Variants in THADA observed in about 807,000 individuals in gnomAD.
THADA encodes the protein THADA armadillo repeat containing.
In THADA, 213 loss-of-function variants were observed where a neutral mutation model predicts 219.8. The ratio of observed to expected loss-of-function variants is 0.97; its 90% CI spans 0.87 to 1.09. The LOEUF (loss-of-function observed/expected upper bound fraction) is 1.09, where lower values mean the gene tolerates loss of function less well. Among genes scored for constraint, THADA ranks in the 50% least tolerant of loss-of-function variants. The pLI is 0.00. For missense variants in THADA, 2,956 were observed against 2,311.3 expected (o/e 1.28, Z -5.72); for synonymous variants, 1,018 against 828.9 (o/e 1.23, Z -3.92).
chr2:43,487,382 G>T (rs934012529), intron 25 of THADA, among the ~76,000 whole-genome samples: 1 of 152,166 alleles, frequency 6.6e-6, no homozygotes, highest in Non-Finnish European at 1.5e-5. Flanking sequence ...AAACAGGAGT[G>T]CCTGGAGATG....
chr2:43,568,650 T>C (rs901891653), intron 14 of THADA, among the ~76,000 whole-genome samples: 1 of 152,172 alleles, frequency 6.6e-6, no homozygotes, highest in African/African-American at 2.4e-5. Flanking sequence ...ATTTTACCCC[T>C]TGCAAAAAGA....
chr2:43,583,414 CT>C (rs1559023407), intron 7 of THADA, among the ~76,000 whole-genome samples: 1 of 152,222 alleles, frequency 6.6e-6, no homozygotes, highest in Non-Finnish European at 1.5e-5. Flanking sequence ...AGCCTCCTAA[CT>C]GGTCTCTCGC....
chr2:43,566,486 T>C (rs570251131), intron 15 of THADA: 2 of 724,588 alleles, frequency 2.8e-6, no homozygotes, highest in African/African-American at 1.7e-5. Context: ...TACTTTGGGG[T>C]TGGCAAATAA....
chr2:43,551,431 G>A (rs1696725436), intron 19 of THADA, among the ~76,000 whole-genome samples: 1 of 151,988 alleles, frequency 6.6e-6, no homozygotes, highest in African/African-American at 2.4e-5. Flanking sequence ...GCTCCAATAA[G>A]CATTTCTTTT....
At chr2:43,545,580 G>C (rs1315201831) in intron 20 of THADA, among the ~76,000 whole-genome samples, 13 of 152,230 alleles carry the variant, frequency 8.5e-5, no homozygotes, top group African/African-American at 2.4e-4. Flanking sequence ...AGAGATTCAA[G>C]TTCTTCCTGG....
chr2:43,564,636 G>GTGGA (rs1236612855), intron 15 of THADA: 9 of 152,222 alleles, frequency 5.9e-5, no homozygotes, highest in African/African-American at 1.7e-4. Context: ...AAGATTTGAT[G>GTGGA]TGGATGTGTT....
At chr2:43,367,472 C>T (rs1319362356) in intron 29 of THADA, among the ~76,000 whole-genome samples, 1 of 152,070 alleles carries the variant, frequency 6.6e-6, no homozygotes, top group African/African-American at 2.4e-5. Flanking sequence ...TATTAAAAAG[C>T]CTTGTGGGTG....
At chr2:43,429,016 T>C (rs1449935744) in intron 27 of THADA, among the ~76,000 whole-genome samples, 1 of 152,232 alleles carries the variant, frequency 6.6e-6, no homozygotes, top group Admixed American at 6.5e-5. Context: ...TGTACATTCA[T>C]ACCAAGTGCA....
chr2:43,460,238 T>TA (rs10560565), intron 26 of THADA, among the ~76,000 whole-genome samples: 735 of 63,552 alleles, frequency 0.012, 25 homozygotes, highest in Non-Finnish European at 0.013. Context: ...TTTCTCTTAA[T>TA]AAAAAAAAAA....
intron 10 of THADA, 31 bp downstream of exon 10, chr2:43,576,991 C>T: frequency 6.3e-7 from 1 of 1,582,006 alleles, no homozygotes; most frequent in Non-Finnish European, 8.6e-7. Context: ...ACAAGTGAAA[C>T]AAAATATGAG....
chr2:43,358,899 G>A (rs1439921364), intron 29 of THADA, among the ~76,000 whole-genome samples: 3 of 152,168 alleles, frequency 2.0e-5, no homozygotes. Context: ...GGAAAAGACT[G>A]TGAATCTTTA....
chr2:43,294,665 C>T (rs1046114334), intron 31 of THADA, among the ~76,000 whole-genome samples: 2 of 152,090 alleles, frequency 1.3e-5, no homozygotes, highest in African/African-American at 2.4e-5. Context: ...CTGAAGTGCT[C>T]TTATCGTTGA....
At chr2:43,358,238 T>C (rs567595618) in intron 29 of THADA, among the ~76,000 whole-genome samples, 1 of 152,188 alleles carries the variant, frequency 6.6e-6, no homozygotes, top group African/African-American at 2.4e-5. Context: ...AGCTAAAATA[T>C]ATTCTTTTTT....
intron 31 of THADA, among the ~76,000 whole-genome samples, chr2:43,302,369 C>G (rs10173251): frequency 0.13 from 19,659 of 151,918 alleles, 1,426 homozygotes; most frequent in African/African-American, 0.18. Flanking sequence ...AGTCTTTGTA[C>G]TTTCCCACCA....
intron 30 of THADA, among the ~76,000 whole-genome samples, chr2:43,322,302 G>C (rs1281100600): frequency 7.2e-5 from 11 of 151,926 alleles, no homozygotes; most frequent in East Asian, 2.0e-4. Context: ...TCAGGAGATC[G>C]AGATCAGCAT....
chr2:43,547,720 C>T (rs1403146482), intron 20 of THADA, among the ~76,000 whole-genome samples: 1 of 152,208 alleles, frequency 6.6e-6, no homozygotes, highest in African/African-American at 2.4e-5. Flanking sequence ...GCTCCATCAG[C>T]TCCTTTAAGC....
At chr2:43,244,770 T>C (rs1190772507) in intron 36 of THADA, among the ~76,000 whole-genome samples, 1 of 152,236 alleles carries the variant, frequency 6.6e-6, no homozygotes, top group Non-Finnish European at 1.5e-5. Context: ...TCCCTATGCC[T>C]GCTCCTTGAT....
chr2:43,514,902 T>G (rs1574029315), intron 22 of THADA, among the ~76,000 whole-genome samples: 2 of 80,164 alleles, frequency 2.5e-5, no homozygotes, highest in Admixed American at 4.8e-4. Context: ...ATTTTATGTA[T>G]AATATATATT....
chr2:43,318,637 T>C (rs561863549), intron 31 of THADA, among the ~76,000 whole-genome samples: 4 of 152,308 alleles, frequency 2.6e-5, no homozygotes, highest in Admixed American at 2.6e-4. Context: ...GTTGTCATAC[T>C]AGAATAAAAG....
Sources: allele counts gnomAD v4.1 joint callset (sites outside exome capture counted in the v4.1 genomes callset), GRCh38; gene constraint gnomAD v4.1.1; transcripts MANE v1.5; gene names NCBI Gene and HGNC (gene_info 2026-07-23, HGNC 2026-07-21).